PLD5: variants seen among roughly 807,000 people sequenced by gnomAD.
The protein encoded by PLD5 is inactive phospholipase D5.
PLD5 carries 36 observed loss-of-function variants against 61.1 expected under a neutral mutation model. The observed-to-expected ratio is 0.59, with a 90% CI of 0.45 to 0.78. The LOEUF (loss-of-function observed/expected upper bound fraction) is 0.78. Ranked by LOEUF, PLD5 falls within the 30% of genes least tolerant of loss-of-function variation. PLD5 has a pLI of 0.00. For missense variants in PLD5, 515 were observed against 644.4 expected, an observed-to-expected ratio of 0.80 and a Z score of 2.17; for synonymous variants, 243 against 242.8, an observed-to-expected ratio of 1.00 and a Z score of -0.01.
intron 1 of PLD5, among the ~76,000 whole-genome samples, chr1:242,474,163 T>C (rs1667520086): frequency 6.6e-6 from 1 of 152,182 alleles, no homozygotes; most frequent in African/African-American, 2.4e-5. Context: ...ACTGCGGTGT[T>C]TGCCATTACT....
intron 2 of PLD5, among the ~76,000 whole-genome samples, chr1:242,336,211 T>C (rs1659495383): frequency 1.3e-5 from 2 of 152,214 alleles, no homozygotes; most frequent in Non-Finnish European, 2.9e-5. Flanking sequence ...ATAACATTAA[T>C]GATACAGACT....
chr1:242,197,056 C>T (rs189212640), intron 5 of PLD5, among the ~76,000 whole-genome samples: 3 of 152,144 alleles, frequency 2.0e-5, no homozygotes, highest in Admixed American at 6.5e-5. Flanking sequence ...AGGAGGCATG[C>T]GGGCTGATGC....
At position 242,089,400 on chromosome 1, in the gene PLD5, G is replaced by GTCGCCGTATCATTAAAAA; in HGVS notation, c.*453_*454insTTTTTAATGATACGGCGA. On this transcript the variant is annotated 3_prime_UTR_variant, in exon 10 of 10. Transcript: ENST00000536534. ...TGCTTAGCTGACTGTGTAGGTCTTGGAGACGATTTACAAGAATAAACACTT... is the reference window on the plus strand; with the variant it reads ...TGCTTAGCTGACTGTGTAGGTCTTGGTCGCCGTATCATTAAAAAAGACGATTTACAAGAATAAACACTT... 1.5e-5 allele frequency: 6 copies of GTCGCCGTATCATTAAAAA among 411,290 alleles called. No homozygotes were observed. The highest frequency in any genetic ancestry group is 1.1e-4 in the South Asian group (1 of 9,166). The allele number at this position is 411,290 out of a possible 1,614,324, so 25.5% of individuals were successfully genotyped here. A position where few individuals can be genotyped will look rare whatever the true frequency, so the allele number is the denominator to read the frequency against.
At chr1:242,509,887 G>A (rs564616759) in intron 1 of PLD5, among the ~76,000 whole-genome samples, 3 of 152,270 alleles carry the variant, frequency 2.0e-5, no homozygotes, top group African/African-American at 4.8e-5. Flanking sequence ...AAAGCATCTT[G>A]AAATGAGAGC....
chr1:242,185,768 A>AT (rs1007957015), intron 5 of PLD5, among the ~76,000 whole-genome samples: 3 of 151,270 alleles, frequency 2.0e-5, no homozygotes, highest in African/African-American at 7.3e-5. Flanking sequence ...CCTCTCTGCT[A>AT]TTTTTTTTTA....
rs149483266 is a variant in PLD5, at chr1:242,223,429, C to G, written c.608-3314G>C. On this transcript the variant is annotated intron_variant, in intron 4 of 9. Coordinates refer to ENST00000536534, the MANE Select transcript of PLD5 (RefSeq NM_001372062.1). ...AGCTGAGAGATCAGAAAGTGGAGTC[C>G]TTACTGCTGTATCAGGGAACCCCAA... 7.4e-3 allele frequency among the ~76,000 whole-genome samples: 1,121 copies of G among 152,304 alleles called. 11 individuals are homozygous for G. The highest frequency in any genetic ancestry group is 0.026 in the African/African-American group (1,063 of 41,560).
At chr1:242,451,759 C>A (rs573753919) in intron 1 of PLD5, among the ~76,000 whole-genome samples, 33 of 152,244 alleles carry the variant, frequency 2.2e-4, no homozygotes, top group Middle Eastern at 3.4e-3. Context: ...CGCGCCCAGT[C>A]TAAAATTCTT....
At chr1:242,281,528 T>TAC (rs61274434) in intron 3 of PLD5, among the ~76,000 whole-genome samples, 44,941 of 151,872 alleles carry the variant, frequency 0.3, 8,115 homozygotes, top group Middle Eastern at 0.45. Flanking sequence ...GAGGGAGATA[T>TAC]ACACACACAC....
chr1:242,110,102 TATC>T (rs2148693748), intron 7 of PLD5, among the ~76,000 whole-genome samples: 1 of 148,342 alleles, frequency 6.7e-6, no homozygotes, highest in East Asian at 1.9e-4. Flanking sequence ...ATTATTATAT[TATC>T]ATAAAGGCCA....
At chr1:242,524,705 G>C (rs1048461112), upstream of PLD5, 1 of 146,976 alleles carries the variant, frequency 6.8e-6, no homozygotes, top group Non-Finnish European at 1.5e-5. Context: ...ACTGGGACCC[G>C]GGCCGGCTCC....
chr1:242,436,381 G>A lies in PLD5; in HGVS notation c.189+87707C>T, dbSNP rs183575582. Among the ~76,000 whole-genome samples the A allele has an allele frequency of 1.8e-4, 27 of 152,160 alleles. No individual in the cohort carries two copies. The East Asian group carries it at 4.8e-3, about 27-fold the overall frequency. On this transcript the variant is annotated intron_variant, in intron 1 of 9. Transcript: ENST00000536534. ...CAATTTTCATCTCCTTGCCTCCAGA[G>A]TCCACATGCCTGTCATAAATGTTTA...
chr1:242,300,784 G>A, intron 2 of PLD5, among the ~76,000 whole-genome samples: 1 of 152,084 alleles, frequency 6.6e-6, no homozygotes, highest in Non-Finnish European at 1.5e-5. Context: ...ACAATTAGAA[G>A]ACCGCTGCGA....
intron 1 of PLD5, among the ~76,000 whole-genome samples, chr1:242,387,473 G>A (rs1456988289): frequency 6.6e-6 from 1 of 152,150 alleles, no homozygotes; most frequent in African/African-American, 2.4e-5. Flanking sequence ...ATGACATCCA[G>A]GGCGGAGGGT....
At chr1:242,455,850 A>G (rs1666927818) in intron 1 of PLD5, among the ~76,000 whole-genome samples, 1 of 152,212 alleles carries the variant, frequency 6.6e-6, no homozygotes, top group South Asian at 2.1e-4. Context: ...CTTGAACCGC[A>G]GTTATGTAAA....
intron 1 of PLD5, among the ~76,000 whole-genome samples, chr1:242,388,855 C>G (rs1026654806): frequency 2.6e-5 from 4 of 152,086 alleles, no homozygotes; most frequent in African/African-American, 9.7e-5. Context: ...ACTCAGGAGC[C>G]TGAGGCAGAG....
intron 6 of PLD5, among the ~76,000 whole-genome samples, chr1:242,119,717 A>G (rs767321429): frequency 2.6e-5 from 4 of 152,172 alleles, no homozygotes; most frequent in African/African-American, 7.2e-5. Context: ...ACTCTCATAT[A>G]TTGCTGGTGG....
At chr1:242,418,594 G>T (rs148362420) in intron 1 of PLD5, among the ~76,000 whole-genome samples, 1 of 151,948 alleles carries the variant, frequency 6.6e-6, no homozygotes, top group African/African-American at 2.4e-5. Flanking sequence ...TGGAAACTCC[G>T]CAAAAAAAAG....
intron 1 of PLD5, among the ~76,000 whole-genome samples, chr1:242,510,852 A>C (rs1668884854): frequency 6.6e-6 from 1 of 152,180 alleles, no homozygotes; most frequent in Admixed American, 6.5e-5. Flanking sequence ...CTCAAAAAAA[A>C]AAAAAGTTCA....
At chr1:242,176,124 C>T (rs1191981855) in intron 5 of PLD5, among the ~76,000 whole-genome samples, 1 of 152,104 alleles carries the variant, frequency 6.6e-6, no homozygotes, top group Non-Finnish European at 1.5e-5. Flanking sequence ...GCCCGCATAG[C>T]CAAGACAATC....
Sources: gnomAD v4.1 joint callset for allele counts (sites outside exome capture counted in the v4.1 genomes callset) on GRCh38, gnomAD v4.1.1 for gene constraint, MANE v1.5 for transcripts, NCBI Gene and HGNC (gene_info 2026-07-23, HGNC 2026-07-21) for gene names.